DLC1: variants seen among roughly 807,000 people sequenced by gnomAD.
DLC1 encodes DLC1 Rho GTPase activating protein.
Under a neutral mutation model 140.3 loss-of-function variants are expected in DLC1, and 54 were observed. That is an observed-to-expected ratio of 0.38 (90% CI 0.31 to 0.48). The LOEUF is 0.48. Among genes scored for constraint, DLC1 ranks in the 20% least tolerant of loss-of-function variants. The probability of loss-of-function intolerance (pLI) is 0.96; values close to 1 mark genes in which losing one functional copy is unlikely to be tolerated. For synonymous variants in DLC1, 986 were observed against 728.1 expected (o/e 1.35, Z -5.70); for missense variants, 2,536 against 1,907.0 (o/e 1.33, Z -6.14).
intron 2 of DLC1, among the ~76,000 whole-genome samples, chr8:13,462,491 C>T (rs987286113): frequency 9.9e-5 from 15 of 151,414 alleles, no homozygotes; most frequent in Admixed American, 9.9e-4. Context: ...GCAAGCTCCG[C>T]CTCCCAGGTT....
At chr8:13,268,889 T>TTTTG (rs1554486053) in intron 5 of DLC1, among the ~76,000 whole-genome samples, 2 of 148,616 alleles carry the variant, frequency 1.3e-5, no homozygotes, top group Admixed American at 6.7e-5. Flanking sequence ...TTTTTTTTTT[T>TTTTG]TTTGAGATGG....
chr8:13,391,183 T>A (rs1836745224), intron 4 of DLC1, among the ~76,000 whole-genome samples: 1 of 152,110 alleles, frequency 6.6e-6, no homozygotes. Context: ...ATGTGTATTG[T>A]CTAAGTCCAC....
At chr8:13,222,581 T>C (rs754016062) in intron 5 of DLC1, among the ~76,000 whole-genome samples, 206 of 152,322 alleles carry the variant, frequency 1.4e-3, no homozygotes, top group Non-Finnish European at 7.5e-4. Context: ...AATCTAAGCA[T>C]GACCTGGTGA....
chr8:13,451,037 CAAAAAAAAAAAAAA>C lies in DLC1; in HGVS notation c.1023+47998_1023+48011del, dbSNP rs1169620786. On this transcript the variant is annotated intron_variant, in intron 2 of 17. Transcript: ENST00000276297. ...CTGGTGATAGAGTGAGACTCCGTCT[CAAAAAAAAAAAAAA>C]AAAAAAAAAAAAAAAAAGAAAAAAA... Among the ~76,000 whole-genome samples the C allele has an allele frequency of 2.2e-3, 41 of 18,374 alleles. No homozygotes were observed. The South Asian group carries it at 0.065, about 29-fold the overall frequency. 12.1% of individuals were successfully genotyped at this position (18,374 alleles called of 152,430 possible). A position where few individuals can be genotyped will look rare whatever the true frequency, so the allele number is the denominator to read the frequency against.
chr8:13,373,870 A>G (rs892561451), intron 4 of DLC1, among the ~76,000 whole-genome samples: 35 of 152,246 alleles, frequency 2.3e-4, no homozygotes, highest in Non-Finnish European at 2.8e-4. Context: ...TAAGCTTTGC[A>G]TTCATATATA....
intron 1 of DLC1, among the ~76,000 whole-genome samples, chr8:13,568,944 GGAA>G (rs1231666528): frequency 1.3e-5 from 2 of 152,142 alleles, no homozygotes; most frequent in African/African-American, 2.4e-5. Flanking sequence ...AGCTGTAAGG[GGAA>G]GAAGAAGTAA....
chr8:13,536,003 C>T (rs773700887), intron 1 of DLC1: 4 of 152,112 alleles, frequency 2.6e-5, no homozygotes, highest in Non-Finnish European at 5.9e-5. Flanking sequence ...AGAGGTTCAT[C>T]TTAACACCAA....
In DLC1 at chr8:13,269,901, CAA is replaced by C. The variant is rs371620278; in HGVS notation, c.1348+35366_1348+35367del. On this transcript the variant is annotated intron_variant, in intron 5 of 17. Transcript: ENST00000276297. ...TGAAACCCCGTCTCTACTAAAAATA[CAA>C]AAAAAAAAAAAAAATTAGGTGGGCA... is the stretch of plus-strand genomic sequence containing the variant. Among the ~76,000 whole-genome samples, 470 of 129,492 alleles carry C rather than the reference CAA, an allele frequency of 3.6e-3. 1 individual carries two copies. Among genetic ancestry groups the C allele is most frequent in the Middle Eastern group, 0.011 (3 of 268 alleles). The allele number at this position is 129,492 out of a possible 152,430, so 85.0% of individuals were successfully genotyped here. A position where few individuals can be genotyped will look rare whatever the true frequency, so the allele number is the denominator to read the frequency against.
intron 5 of DLC1, chr8:13,304,709 C>G (rs949034789): frequency 1.0e-6 from 1 of 962,348 alleles, no homozygotes; most frequent in Non-Finnish European, 1.2e-6. Flanking sequence ...CAATCCATGT[C>G]TAATTTTTCA....
chr8:13,371,282 C>T (rs77654844), intron 4 of DLC1, among the ~76,000 whole-genome samples: 3 of 152,110 alleles, frequency 2.0e-5, no homozygotes, highest in South Asian at 2.1e-4. Flanking sequence ...TCCAGAACAG[C>T]CTTCAAAATT....
At chr8:13,394,536 G>C (rs1344442003) in intron 3 of DLC1, among the ~76,000 whole-genome samples, 1 of 152,114 alleles carries the variant, frequency 6.6e-6, no homozygotes, top group Admixed American at 6.5e-5. Context: ...AGGTGGTTTG[G>C]TTGCACAGAG....
rs537018698 is a variant in DLC1 at position 13,320,917 on chromosome 8, C to G, written c.1315-15615G>C. Among the ~76,000 whole-genome samples, 5 of 152,244 alleles carry G rather than the reference C, an allele frequency of 3.3e-5. No homozygotes were observed. The South Asian group carries it at 8.3e-4, about 25-fold the overall frequency. On this transcript the variant is annotated intron_variant, in intron 4 of 17. Coordinates refer to ENST00000276297, the MANE Select transcript of DLC1 (RefSeq NM_182643.3). ...TCTCCCCAGCTGTCTTTTGCTTCCT[C>G]TCAAGCCATGTGATTGCTGCACACA...
intron 1 of DLC1, among the ~76,000 whole-genome samples, chr8:13,525,612 G>A (rs144613549): frequency 6.2e-4 from 95 of 152,194 alleles, no homozygotes; most frequent in African/African-American, 2.2e-3. Flanking sequence ...TTTCACATGC[G>A]TATTTGTCAG....
At chr8:13,388,474 G>T (rs1290216957) in intron 4 of DLC1, among the ~76,000 whole-genome samples, 1 of 151,868 alleles carries the variant, frequency 6.6e-6, no homozygotes, top group Non-Finnish European at 1.5e-5. Context: ...TTTATCCTGA[G>T]AAAGTTTTAT....
At chr8:13,367,016 C>A (rs1055293474) in intron 4 of DLC1, among the ~76,000 whole-genome samples, 1 of 152,256 alleles carries the variant, frequency 6.6e-6, no homozygotes, top group East Asian at 1.9e-4. Context: ...ACGAACTTTG[C>A]CTCCTTTCCC....
intron 1 of DLC1, among the ~76,000 whole-genome samples, chr8:13,528,564 C>T (rs73559540): frequency 6.6e-6 from 1 of 152,122 alleles, no homozygotes; most frequent in East Asian, 1.9e-4. Context: ...TAAAATATAA[C>T]AGAATTTCCT....
intron 1 of DLC1, among the ~76,000 whole-genome samples, chr8:13,540,156 T>C (rs1166218748): frequency 6.6e-6 from 1 of 152,174 alleles, no homozygotes; most frequent in Non-Finnish European, 1.5e-5. Flanking sequence ...TATAATGGGA[T>C]GGCAAGTATG....
intron 4 of DLC1, among the ~76,000 whole-genome samples, chr8:13,356,833 C>G (rs1025668628): frequency 2.0e-5 from 3 of 151,350 alleles, no homozygotes; most frequent in Admixed American, 6.6e-5. Context: ...ACACTTCACT[C>G]TTTTTTTTAT....
At chr8:13,476,381 G>A (rs1487864351) in intron 2 of DLC1, among the ~76,000 whole-genome samples, 4 of 151,712 alleles carry the variant, frequency 2.6e-5, no homozygotes, top group Admixed American at 1.3e-4. Context: ...TCAGTAATTC[G>A]AACATAATTT....
Sources: allele counts gnomAD v4.1 joint callset (sites outside exome capture counted in the v4.1 genomes callset), GRCh38; gene constraint gnomAD v4.1.1; transcripts MANE v1.5; gene names NCBI Gene and HGNC (gene_info 2026-07-23, HGNC 2026-07-21).